The following HLCS variants were observed in gnomAD, a reference collection of about 807,000 sequenced individuals.
HLCS encodes the protein holocarboxylase synthetase.
HLCS carries 53 observed loss-of-function variants against 75.0 expected under a neutral mutation model. That is an observed-to-expected ratio of 0.71 (90% CI 0.57 to 0.89). The LOEUF is 0.89. Ranked by LOEUF, HLCS falls within the 40% of genes least tolerant of loss-of-function variation. The pLI is 0.00. For missense variants in HLCS, 966 were observed against 1,074.0 expected, an observed-to-expected ratio of 0.90 and a Z score of 1.41; for synonymous variants, 431 against 428.6, an observed-to-expected ratio of 1.01 and a Z score of -0.07.
chr21:36,927,247 G>C (rs1054109794), intron 5 of HLCS, among the ~76,000 whole-genome samples: 7 of 152,204 alleles, frequency 4.6e-5, no homozygotes, highest in African/African-American at 1.7e-4. Context: ...CTTCCTCTTG[G>C]TATCGTGCAC....
At chr21:36,936,363 T>C (rs933313060) in intron 4 of HLCS, 86 bp downstream of exon 4, 26 of 1,204,692 alleles carry the variant, frequency 2.2e-5, no homozygotes, top group Non-Finnish European at 2.8e-5. Context: ...CTGAAACTTT[T>C]AAGCGTGTAC....
intron 6 of HLCS, among the ~76,000 whole-genome samples, chr21:36,873,512 TTTGTATA>T (rs2063845363): frequency 6.6e-6 from 1 of 152,258 alleles, no homozygotes; most frequent in African/African-American, 2.4e-5. Context: ...GTAGAAGTTC[TTTGTATA>T]TGTCAGATAC....
rs1021722474 is a variant in HLCS at position 36,958,649 on chromosome 21, C to A, written c.330+3387G>T. On this transcript the variant is annotated intron_variant, in intron 2 of 10. Transcript: ENST00000674895. ...GCTAAAATACAAACAATTAGCTGGG[C>A]GTGGCAGCGTGCGCCTGTAGTCCCA... Among the ~76,000 whole-genome samples, 3 of 151,406 alleles carry A rather than the reference C, an allele frequency of 2.0e-5. No individual in the cohort carries two copies. In the East Asian group the frequency reaches 5.9e-4, roughly 30 times the overall value.
chr21:36,831,373 C>A lies in HLCS; in HGVS notation c.1893-64088G>T, dbSNP rs370832467. On this transcript the variant is annotated intron_variant, in intron 6 of 10. Transcript: ENST00000674895. ...AAAGGGAAGGAAATAAATTACATGT[C>A]TCAGAATATAGAAATAAAGTTACTG... is the stretch of plus-strand genomic sequence containing the variant. 1.4e-3 allele frequency among the ~76,000 whole-genome samples: 216 copies of A among 152,172 alleles called. 2 individuals carry two copies. Among genetic ancestry groups the A allele is most frequent in the African/African-American group, 5.0e-3 (208 of 41,522 alleles).
intron 2 of HLCS, among the ~76,000 whole-genome samples, chr21:36,960,835 T>A (rs766413492): frequency 1.2e-4 from 19 of 152,194 alleles, no homozygotes; most frequent in Non-Finnish European, 2.1e-4. Flanking sequence ...GGGCATGGAC[T>A]GCACCTGGAG....
In HLCS at chr21:36,896,714, T is replaced by A. The variant is rs988066815; in HGVS notation, c.1892+146A>T. On this transcript the variant is annotated intron_variant, in intron 6 of 10. Coordinates refer to ENST00000674895, the MANE Select transcript of HLCS (RefSeq NM_001352514.2). ...ATTTCCTTTCCCACGATTTAACTCT[T>A]CTAGGACAAGAGTACTTCCACCTTG... The A allele has an allele frequency of 6.7e-6, 6 of 893,136 alleles. No individual in the cohort carries two copies. In the Admixed American group the frequency reaches 8.7e-5, roughly 13 times the overall value. 55.3% of individuals were successfully genotyped at this position (893,136 alleles called of 1,614,324 possible).
At chr21:36,796,608 A>T (rs911441243) in intron 6 of HLCS, among the ~76,000 whole-genome samples, 34 of 152,320 alleles carry the variant, frequency 2.2e-4, no homozygotes, top group African/African-American at 7.2e-4. Flanking sequence ...AAATGATCCC[A>T]TGCACCATCT....
chr21:36,866,983 A>T, intron 6 of HLCS, among the ~76,000 whole-genome samples: 1 of 152,192 alleles, frequency 6.6e-6, no homozygotes, highest in Admixed American at 6.5e-5. Flanking sequence ...TATCACAAGT[A>T]AAATGCAAAA....
chr21:36,883,417 A>T (rs2064313744), intron 6 of HLCS, among the ~76,000 whole-genome samples: 1 of 152,224 alleles, frequency 6.6e-6, no homozygotes, highest in Non-Finnish European at 1.5e-5. Context: ...TTTGACTAAA[A>T]CATATTTTTA....
intron 6 of HLCS, among the ~76,000 whole-genome samples, chr21:36,895,457 G>C (rs896489134): frequency 3.3e-5 from 5 of 152,102 alleles, no homozygotes; most frequent in African/African-American, 1.2e-4. Flanking sequence ...GCTGAAAAAT[G>C]AAAGTACCTA....
At chr21:36,782,823 T>C (rs1481298111) in intron 6 of HLCS, among the ~76,000 whole-genome samples, 1 of 129,302 alleles carries the variant, frequency 7.7e-6, no homozygotes, top group East Asian at 2.2e-4. Flanking sequence ...ACTACTAAAA[T>C]ACTACTAAAA....
At chr21:36,859,548 T>C (rs768188140) in intron 6 of HLCS, among the ~76,000 whole-genome samples, 8 of 152,220 alleles carry the variant, frequency 5.3e-5, no homozygotes, top group Non-Finnish European at 2.9e-5. Context: ...TTTGCGTAAG[T>C]GGACTGAGTT....
chr21:36,983,447 G>C (rs2069163435), intron 1 of HLCS, among the ~76,000 whole-genome samples: 1 of 151,834 alleles, frequency 6.6e-6, no homozygotes, highest in African/African-American at 2.4e-5. Flanking sequence ...CTGACCTCAA[G>C]TGACCCGCCC....
At chr21:36,801,955 AT>A (rs1397278187) in intron 6 of HLCS, among the ~76,000 whole-genome samples, 2 of 152,148 alleles carry the variant, frequency 1.3e-5, no homozygotes, top group Admixed American at 1.3e-4. Flanking sequence ...TTCATTTGCA[AT>A]TTTAGCAGCA....
At chr21:36,961,325 G>A (rs1220058856) in intron 2 of HLCS, among the ~76,000 whole-genome samples, 8 of 152,122 alleles carry the variant, frequency 5.3e-5, no homozygotes, top group Admixed American at 2.6e-4. Context: ...AAAATATAAC[G>A]TGAGCCACAA....
At chr21:36,898,031 C>T (rs959997954) in intron 5 of HLCS, among the ~76,000 whole-genome samples, 14 of 152,198 alleles carry the variant, frequency 9.2e-5, no homozygotes, top group Admixed American at 5.2e-4. Context: ...CCTGTGGCTA[C>T]AGAGTAGTGG....
chr21:36,868,366 G>A (rs1053107148), intron 6 of HLCS, among the ~76,000 whole-genome samples: 4 of 152,026 alleles, frequency 2.6e-5, no homozygotes, highest in South Asian at 4.2e-4. Flanking sequence ...TCAATCTCCT[G>A]ACAGTGATTA....
At chr21:36,802,812 C>A (rs1031207392) in intron 6 of HLCS, among the ~76,000 whole-genome samples, 21 of 152,176 alleles carry the variant, frequency 1.4e-4, no homozygotes, top group African/African-American at 4.8e-4. Flanking sequence ...CCACACAATT[C>A]AACGGAACAG....
chr21:36,897,186 T>C (rs2065049925), intron 5 of HLCS, 55 bp from the exon 6 acceptor site: 11 of 1,591,814 alleles, frequency 6.9e-6, no homozygotes, highest in African/African-American at 1.3e-5. Flanking sequence ...CATTAGATCA[T>C]GGTAGCTTTT....
Sources: gnomAD v4.1 joint callset for allele counts (sites outside exome capture counted in the v4.1 genomes callset) on GRCh38, gnomAD v4.1.1 for gene constraint, MANE v1.5 for transcripts, NCBI Gene and HGNC (gene_info 2026-07-23, HGNC 2026-07-21) for gene names.